OOSP3: variants seen among roughly 807,000 people sequenced by gnomAD.
The protein encoded by OOSP3 is oocyte secreted protein family member 3.
At chr11:59,883,004 C>T (rs1038673236) in intron 2 of OOSP3, among the ~76,000 whole-genome samples, 2 of 152,238 alleles carry the variant, frequency 1.3e-5, no homozygotes, top group African/African-American at 4.8e-5. Flanking sequence ...TTTGTTACTG[C>T]TGTACCTTTG....
intron 2 of OOSP3, among the ~76,000 whole-genome samples, chr11:59,893,766 AG>A (rs1256974648): frequency 6.6e-6 from 1 of 152,232 alleles, no homozygotes; most frequent in Non-Finnish European, 1.5e-5. Flanking sequence ...ATAATGTTTA[AG>A]AGCTAAATAT....
At chr11:59,886,698 C>A (rs1369960201) in intron 2 of OOSP3, among the ~76,000 whole-genome samples, 1 of 152,082 alleles carries the variant, frequency 6.6e-6, no homozygotes, top group Non-Finnish European at 1.5e-5. Context: ...TTTTAATTTT[C>A]ATTTCTCTAA....
At chr11:59,880,681 CT>C (rs947965606) in intron 2 of OOSP3, among the ~76,000 whole-genome samples, 1 of 152,158 alleles carries the variant, frequency 6.6e-6, no homozygotes, top group Non-Finnish European at 1.5e-5. Flanking sequence ...ACTCTTAAGT[CT>C]TTTTTAGTCC....
rs1480583767 is a variant in OOSP3 at position 59,891,962 on chromosome 11, G to A, written c.253-2117G>A. Reference sequence around the variant, plus strand: ...GCAGGGTTCCGTGGGAGTGTGATCCGCTGAGCAAGGCTACTTGGCTCCCTG... The same window carrying A: ...GCAGGGTTCCGTGGGAGTGTGATCCACTGAGCAAGGCTACTTGGCTCCCTG... On this transcript the variant is annotated intron_variant, in intron 2 of 4. Transcript: ENST00000646438. 5.9e-5 allele frequency among the ~76,000 whole-genome samples: 9 copies of A among 152,318 alleles called. No homozygotes were observed. The East Asian group carries it at 7.7e-4, about 13-fold the overall frequency.
At chr11:59,885,166 T>C (rs543717) in intron 2 of OOSP3, among the ~76,000 whole-genome samples, 2,773 of 152,300 alleles carry the variant, frequency 0.018, 109 homozygotes, top group African/African-American at 0.063. Context: ...ATATGGTGTA[T>C]TACATTGATT....
intron 2 of OOSP3, among the ~76,000 whole-genome samples, chr11:59,890,842 A>G (rs1324161915): frequency 6.6e-6 from 1 of 152,180 alleles, no homozygotes; most frequent in Non-Finnish European, 1.5e-5. Flanking sequence ...TAGGTTAGGA[A>G]GTTCTCCTGG....
chr11:59,890,720 T>G lies in OOSP3; in HGVS notation c.253-3359T>G, dbSNP rs142281651. 8.1e-4 allele frequency among the ~76,000 whole-genome samples: 123 copies of G among 152,302 alleles called. 2 individuals are homozygous for G. In the East Asian group the frequency reaches 0.019, roughly 24 times the overall value. On this transcript the variant is annotated intron_variant, in intron 2 of 4. Coordinates refer to ENST00000646438, the Ensembl canonical transcript of OOSP3. Reference sequence around the variant, plus strand: ...TGACTGCCCTTAACATTTTTTTCCTTCATTTCGACATTGGAAAATTGGATG... The same window carrying G: ...TGACTGCCCTTAACATTTTTTTCCTGCATTTCGACATTGGAAAATTGGATG...
chr11:59,891,053 C>T (rs1370922211), intron 2 of OOSP3, among the ~76,000 whole-genome samples: 1 of 152,126 alleles, frequency 6.6e-6, no homozygotes, highest in East Asian at 1.9e-4. Context: ...CTTTCTTCCA[C>T]TTTGGCCAAT....
At chr11:59,885,313 G>T (rs570916993) in intron 2 of OOSP3, among the ~76,000 whole-genome samples, 1 of 152,216 alleles carries the variant, frequency 6.6e-6, no homozygotes, top group Admixed American at 6.5e-5. Flanking sequence ...GTTAGACAAT[G>T]ATTTCTTCTC....
At chr11:59,883,455 T>C (rs905700844) in intron 2 of OOSP3, among the ~76,000 whole-genome samples, 4 of 152,182 alleles carry the variant, frequency 2.6e-5, no homozygotes, top group African/African-American at 4.8e-5. Flanking sequence ...CAATATCAGC[T>C]TGATCCAAGA....
chr11:59,884,587 C>T (rs368111997), intron 2 of OOSP3, among the ~76,000 whole-genome samples: 2 of 151,808 alleles, frequency 1.3e-5, no homozygotes, highest in African/African-American at 2.4e-5. Context: ...GCAACCTCCA[C>T]CTCCCAGGTT....
chr11:59,895,322 A>T (rs964250074), intron 3 of OOSP3, among the ~76,000 whole-genome samples, 180 bp from the exon 4 acceptor site: 1 of 145,562 alleles, frequency 6.9e-6, no homozygotes. Flanking sequence ...CCCTAAATGG[A>T]GGTTTGTTAA....
intron 2 of OOSP3, among the ~76,000 whole-genome samples, chr11:59,883,234 A>G (rs1271854561): frequency 6.6e-6 from 1 of 152,232 alleles, no homozygotes; most frequent in Non-Finnish European, 1.5e-5. Flanking sequence ...TTTCCTGGGA[A>G]CAACTCTTTA....
At chr11:59,892,721 C>T (rs550249087) in intron 2 of OOSP3, among the ~76,000 whole-genome samples, 35 of 152,078 alleles carry the variant, frequency 2.3e-4, no homozygotes, top group Middle Eastern at 3.4e-3. Flanking sequence ...AATGACAATT[C>T]TCTGAAGATG....
intron 2 of OOSP3, among the ~76,000 whole-genome samples, chr11:59,893,712 C>T (rs1464945016): frequency 6.6e-6 from 1 of 152,104 alleles, no homozygotes; most frequent in African/African-American, 2.4e-5. Flanking sequence ...AGGCAAATCT[C>T]CAATTGGTTC....
At chr11:59,886,611 A>G (rs1013508491) in intron 2 of OOSP3, among the ~76,000 whole-genome samples, 2 of 151,976 alleles carry the variant, frequency 1.3e-5, no homozygotes, top group South Asian at 2.1e-4. Flanking sequence ...TTTCTCTGCA[A>G]CCTCTCCAGT....
chr11:59,896,017 T>C, intron 4 of OOSP3, 116 bp from the exon 5 acceptor site: 2 of 396,268 alleles, frequency 5.0e-6, no homozygotes, highest in East Asian at 3.6e-5. Flanking sequence ...CCCTGGCACA[T>C]AGTAGGTTCT....
At chr11:59,880,770 A>G (rs192747688) in intron 2 of OOSP3, among the ~76,000 whole-genome samples, 83 of 152,334 alleles carry the variant, frequency 5.4e-4, no homozygotes, top group African/African-American at 1.7e-3. Flanking sequence ...TAAAATGAGT[A>G]ACAATTTACC....
At chr11:59,885,149 T>A (rs184446356) in intron 2 of OOSP3, among the ~76,000 whole-genome samples, 1 of 152,306 alleles carries the variant, frequency 6.6e-6, no homozygotes, top group East Asian at 1.9e-4. Context: ...TGCCCTTTCT[T>A]CTATTAATAT....
Sources: gnomAD v4.1 joint callset for allele counts (sites outside exome capture counted in the v4.1 genomes callset) on GRCh38, gnomAD v4.1.1 for gene constraint, MANE v1.5 for transcripts, NCBI Gene and HGNC (gene_info 2026-07-23, HGNC 2026-07-21) for gene names.